The following LRRC4C variants were observed in gnomAD, a reference collection of about 807,000 sequenced individuals.
LRRC4C encodes the protein leucine rich repeat containing 4C.
In LRRC4C, 5 loss-of-function variants were observed where a neutral mutation model predicts 33.6. The observed-to-expected ratio is 0.15, with a 90% CI of 0.08 to 0.31. The LOEUF is 0.31. Among genes scored for constraint, LRRC4C ranks in the 10% least tolerant of loss-of-function variants. LRRC4C has a pLI of 1.00. For missense variants in LRRC4C, 560 were observed against 796.7 expected (o/e 0.70, Z 3.58); for synonymous variants, 329 against 302.0 (o/e 1.09, Z -0.93).
At chr11:40,428,005 C>T (rs1950780322) in intron 3 of LRRC4C, among the ~76,000 whole-genome samples, 1 of 152,094 alleles carries the variant, frequency 6.6e-6, no homozygotes, top group African/African-American at 2.4e-5. Context: ...TCGAAAATCA[C>T]TGAAATGTTT....
intron 1 of LRRC4C, among the ~76,000 whole-genome samples, chr11:41,281,031 A>C (rs1009147720): frequency 2.6e-5 from 3 of 114,628 alleles, no homozygotes; most frequent in African/African-American, 9.8e-5. Context: ...AATCTCACTT[A>C]AATACATATT....
At chr11:40,189,425 G>T (rs1861655301) in intron 5 of LRRC4C, among the ~76,000 whole-genome samples, 2 of 152,072 alleles carry the variant, frequency 1.3e-5, no homozygotes, top group Non-Finnish European at 2.9e-5. Context: ...ATTTGCTTTG[G>T]TTTTATAGTT....
intron 3 of LRRC4C, among the ~76,000 whole-genome samples, chr11:40,437,645 C>T (rs1233842024): frequency 5.3e-5 from 8 of 152,052 alleles, no homozygotes; most frequent in South Asian, 2.1e-4. Flanking sequence ...CCACACGCCT[C>T]GACCTCCCAA....
intron 1 of LRRC4C, among the ~76,000 whole-genome samples, chr11:41,242,636 C>G (rs76645448): frequency 1.3e-5 from 2 of 152,012 alleles, no homozygotes; most frequent in Non-Finnish European, 2.9e-5. Flanking sequence ...TCATGAGGTG[C>G]TAGTGCTGTG....
At chr11:40,703,930 A>C (rs933947551) in intron 2 of LRRC4C, among the ~76,000 whole-genome samples, 2 of 152,196 alleles carry the variant, frequency 1.3e-5, no homozygotes, top group Non-Finnish European at 2.9e-5. Context: ...TAAAAGAATA[A>C]TTGCATAGAA....
At chr11:41,115,074 T>G (rs1170953443) in intron 1 of LRRC4C, among the ~76,000 whole-genome samples, 1 of 152,100 alleles carries the variant, frequency 6.6e-6, no homozygotes, top group African/African-American at 2.4e-5. Context: ...CTCTGATATA[T>G]GCTTGAAAAT....
chr11:40,763,126 C>CATAT (rs76187051), intron 2 of LRRC4C, among the ~76,000 whole-genome samples: 1 of 64,918 alleles, frequency 1.5e-5, no homozygotes, highest in African/African-American at 5.3e-5. Flanking sequence ...TGTGTGTATA[C>CATAT]ATATATATAC....
intron 2 of LRRC4C, among the ~76,000 whole-genome samples, chr11:40,669,007 G>A (rs1943952489): frequency 6.6e-6 from 1 of 152,090 alleles, no homozygotes; most frequent in African/African-American, 2.4e-5. Context: ...AAATCTCTAC[G>A]GTTGTTGTGT....
intron 3 of LRRC4C, among the ~76,000 whole-genome samples, chr11:40,638,979 C>T (rs536695683): frequency 6.6e-6 from 1 of 152,016 alleles, no homozygotes; most frequent in South Asian, 2.1e-4. Context: ...TTAACAGCTC[C>T]GAGGCTCCGA....
At chr11:40,569,331 T>C (rs1423689433) in intron 3 of LRRC4C, among the ~76,000 whole-genome samples, 2 of 152,140 alleles carry the variant, frequency 1.3e-5, no homozygotes, top group African/African-American at 4.8e-5. Context: ...TGTAAAACAA[T>C]GTAATTAAGC....
chr11:40,692,052 CT>C (rs1245750314), intron 2 of LRRC4C, among the ~76,000 whole-genome samples: 1 of 151,996 alleles, frequency 6.6e-6, no homozygotes, highest in African/African-American at 2.4e-5. Flanking sequence ...TTATTTGCTC[CT>C]TTAAATCTGA....
At chr11:41,135,919 A>T (rs1943237899) in intron 1 of LRRC4C, among the ~76,000 whole-genome samples, 1 of 152,306 alleles carries the variant, frequency 6.6e-6, no homozygotes, top group Middle Eastern at 3.4e-3. Context: ...ATCTGGTTCC[A>T]TGAGTGCATG....
intron 1 of LRRC4C, among the ~76,000 whole-genome samples, chr11:41,165,027 C>G (rs1944656352): frequency 6.6e-6 from 1 of 152,088 alleles, no homozygotes; most frequent in African/African-American, 2.4e-5. Flanking sequence ...AATGCTAAAC[C>G]ATCACAGCTG....
At chr11:40,191,395 G>T (rs1425169910) in intron 5 of LRRC4C, among the ~76,000 whole-genome samples, 4 of 152,120 alleles carry the variant, frequency 2.6e-5, no homozygotes, top group Non-Finnish European at 5.9e-5. Flanking sequence ...CTCTAAACAT[G>T]CAAATAATAT....
chr11:40,362,293 A>G (rs1486669449), intron 3 of LRRC4C, among the ~76,000 whole-genome samples: 1 of 152,212 alleles, frequency 6.6e-6, no homozygotes, highest in Non-Finnish European at 1.5e-5. Flanking sequence ...GCTCCTGCAT[A>G]GCAAAAGAAA....
At chr11:41,452,532 A>G (rs1423849675) in intron 1 of LRRC4C, among the ~76,000 whole-genome samples, 1 of 152,132 alleles carries the variant, frequency 6.6e-6, no homozygotes, top group Non-Finnish European at 1.5e-5. Flanking sequence ...CTCTTTTTCA[A>G]GAAAGCTTTC....
rs374246955 is a variant in LRRC4C, at chr11:40,491,907, A to G, written c.-270+156235T>C. On this transcript the variant is annotated intron_variant, in intron 3 of 6. Transcript: ENST00000528697. Reference sequence around the variant, plus strand: ...AGACAGGAAACTTGGAGGCCATTCTATAATTCTGCCTACCATACCATATTG... The same window carrying G: ...AGACAGGAAACTTGGAGGCCATTCTGTAATTCTGCCTACCATACCATATTG... Among the ~76,000 whole-genome samples, 5 of 152,330 alleles carry G rather than the reference A, an allele frequency of 3.3e-5. No homozygotes were observed. In the East Asian group the frequency reaches 9.6e-4, roughly 29 times the overall value.
intron 3 of LRRC4C, among the ~76,000 whole-genome samples, chr11:40,424,182 C>T (rs535858906): frequency 1.3e-5 from 2 of 152,158 alleles, no homozygotes; most frequent in South Asian, 4.2e-4. Context: ...AAAGTTGGGA[C>T]ATCTGCTCTG....
intron 2 of LRRC4C, among the ~76,000 whole-genome samples, chr11:40,798,526 ATAAG>A (rs1007343643): frequency 6.6e-5 from 10 of 152,216 alleles, no homozygotes; most frequent in African/African-American, 1.7e-4. Flanking sequence ...ATTTAAAATT[ATAAG>A]TAATAGTCAT....
Sources: gnomAD v4.1 joint callset for allele counts (sites outside exome capture counted in the v4.1 genomes callset) on GRCh38, gnomAD v4.1.1 for gene constraint, MANE v1.5 for transcripts, NCBI Gene and HGNC (gene_info 2026-07-23, HGNC 2026-07-21) for gene names.